PCSK5: variants seen among roughly 807,000 people sequenced by gnomAD.
PCSK5 encodes proprotein convertase subtilisin/kexin type 5.
PCSK5 carries 129 observed loss-of-function variants against 233.2 expected under a neutral mutation model. The observed-to-expected ratio is 0.55, with a 90% confidence interval of 0.48 to 0.64. The LOEUF is 0.64. Ranked by LOEUF, PCSK5 falls within the 30% of genes least tolerant of loss-of-function variation. PCSK5 has a pLI of 0.00. For missense variants in PCSK5, 2,076 were observed against 2,430.1 expected (o/e 0.85, Z 3.06); for synonymous variants, 825 against 879.2 (o/e 0.94, Z 1.09).
chr9:76,124,281 TC>T (rs1463615433), intron 9 of PCSK5, among the ~76,000 whole-genome samples: 2 of 152,156 alleles, frequency 1.3e-5, no homozygotes, highest in East Asian at 3.9e-4. Context: ...GGTTGTGTGT[TC>T]ATTAAGTGAA....
chr9:76,088,175 A>T (rs552537440), intron 7 of PCSK5, among the ~76,000 whole-genome samples: 1 of 152,326 alleles, frequency 6.6e-6, no homozygotes, highest in East Asian at 1.9e-4. Context: ...AGGTGCGTAA[A>T]GATTGAGACC....
chr9:76,031,548 G>C (rs1828652140), intron 5 of PCSK5, among the ~76,000 whole-genome samples: 1 of 152,114 alleles, frequency 6.6e-6, no homozygotes, highest in African/African-American at 2.4e-5. Context: ...AAATAGCCAG[G>C]TGTGGTGGCA....
intron 2 of PCSK5, among the ~76,000 whole-genome samples, chr9:75,942,111 C>A (rs1407398510): frequency 6.6e-6 from 1 of 152,228 alleles, no homozygotes; most frequent in Non-Finnish European, 1.5e-5. Flanking sequence ...GCTCACCGGG[C>A]ATGCGCCAAA....
intron 24 of PCSK5, among the ~76,000 whole-genome samples, chr9:76,257,478 T>C (rs1827022305): frequency 6.6e-6 from 1 of 152,260 alleles, no homozygotes; most frequent in East Asian, 1.9e-4. Context: ...AGCCTGAAAT[T>C]CCTGCTTTCC....
rs57054216 is a variant in PCSK5 at position 76,160,769 on chromosome 9, CTTTT to C, written c.1619+1607_1619+1610del. On this transcript the variant is annotated intron_variant, in intron 12 of 37. Transcript: ENST00000674117. The stretch of plus-strand genomic sequence containing the variant: ...CAACTAGGAGTACAGAATCTGATAT[CTTTT>C]TTTTTTTTCTTTTTTGAGATGGAGT... Among the ~76,000 whole-genome samples the C allele has an allele frequency of 1.1e-4, 17 of 148,538 alleles. No individual in the cohort carries two copies. The South Asian group carries it at 3.4e-3, about 30-fold the overall frequency.
chr9:76,008,908 G>A (rs139702516), intron 3 of PCSK5, among the ~76,000 whole-genome samples: 104 of 152,292 alleles, frequency 6.8e-4, no homozygotes, highest in Admixed American at 1.2e-3. Flanking sequence ...GAAAATAGAT[G>A]TTAATTTGAA....
At chr9:76,181,797 G>T (rs754846029) in intron 16 of PCSK5, among the ~76,000 whole-genome samples, 1 of 152,154 alleles carries the variant, frequency 6.6e-6, no homozygotes, top group East Asian at 1.9e-4. Context: ...ACCACCCCCA[G>T]ATTCAGTGAT....
chr9:76,098,468 T>C (rs1188639106), intron 8 of PCSK5, among the ~76,000 whole-genome samples: 1 of 152,218 alleles, frequency 6.6e-6, no homozygotes, highest in Non-Finnish European at 1.5e-5. Flanking sequence ...TAAGAAGACC[T>C]TGTGTCTTCT....
intron 30 of PCSK5, among the ~76,000 whole-genome samples, chr9:76,311,321 A>T (rs969779437): frequency 6.6e-6 from 1 of 151,914 alleles, no homozygotes; most frequent in Non-Finnish European, 1.5e-5. Context: ...ACTGTACTCC[A>T]GCCTGGATGA....
At chr9:76,324,813 T>A (rs60450650) in intron 32 of PCSK5, among the ~76,000 whole-genome samples, 46,834 of 151,738 alleles carry the variant, frequency 0.31, 7,595 homozygotes, top group African/African-American at 0.39. Flanking sequence ...ATTCACTCTG[T>A]TGAGGCAGCC....
chr9:76,346,413 G>A (rs989054907), intron 35 of PCSK5, among the ~76,000 whole-genome samples: 2 of 152,290 alleles, frequency 1.3e-5, no homozygotes, highest in Admixed American at 6.5e-5. Flanking sequence ...CCTTGAGAAT[G>A]TATTCAAGGG....
intron 8 of PCSK5, among the ~76,000 whole-genome samples, chr9:76,099,947 A>AG (rs923488667): frequency 3.9e-5 from 6 of 152,192 alleles, no homozygotes; most frequent in African/African-American, 1.4e-4. Flanking sequence ...CTGAGGAGAG[A>AG]GGGAAAAAAA....
chr9:76,249,167 C>T (rs893195568), intron 24 of PCSK5, among the ~76,000 whole-genome samples: 2 of 152,164 alleles, frequency 1.3e-5, no homozygotes, highest in African/African-American at 2.4e-5. Context: ...TTTTGATTGT[C>T]GTGACTGGAA....
rs1236203444 is a variant in PCSK5 at position 76,354,033 on chromosome 9, G to A, written c.5068G>A (p.Gly1690Arg). The A allele has an allele frequency of 6.2e-7, 1 of 1,606,048 alleles. No individual in the cohort carries two copies. The highest frequency in any genetic ancestry group is 8.5e-7 in the Non-Finnish European group (1 of 1,176,510). Residue 1690 changes from glycine to arginine, a missense_variant and splice_region_variant, in exon 37 of 38, where the codon GGA becomes AGA. Gly to Arg is a moderately radical substitution (Grantham distance 125). This residue lies in a region of PCSK5 where 1,510 missense variants were observed against 1,538.1 expected (regional missense o/e 0.98). Coordinates refer to ENST00000674117, the MANE Select transcript of PCSK5 (RefSeq NM_001372043.1). ...GGAACCTCTTGATTGCTCTTAACAG[G>A]GAGAGAAGTTTAACTGTGAAAAATG... ...CLVGEYRVGEGEKFNCEKCHE... is the reference protein window; with the variant it reads ...CLVGEYRVGEREKFNCEKCHE...
intron 24 of PCSK5, among the ~76,000 whole-genome samples, chr9:76,268,856 A>G (rs540918283): frequency 6.6e-6 from 1 of 152,348 alleles, no homozygotes; most frequent in Non-Finnish European, 1.5e-5. Flanking sequence ...GAATCAAAAC[A>G]AAACAAAAAA....
intron 20 of PCSK5, among the ~76,000 whole-genome samples, chr9:76,201,596 G>A (rs1188611922): frequency 6.6e-6 from 1 of 152,170 alleles, no homozygotes; most frequent in Non-Finnish European, 1.5e-5. Flanking sequence ...GGTGCTGTCA[G>A]GTCCCAGGTG....
chr9:76,293,480 C>T (rs1338896033), intron 25 of PCSK5, among the ~76,000 whole-genome samples: 1 of 152,182 alleles, frequency 6.6e-6, no homozygotes, highest in Non-Finnish European at 1.5e-5. Flanking sequence ...AAGACAGTCT[C>T]ACTCTGTGGC....
At chr9:76,238,581 C>G (rs1826323872) in intron 22 of PCSK5, among the ~76,000 whole-genome samples, 1 of 152,214 alleles carries the variant, frequency 6.6e-6, no homozygotes, top group Admixed American at 6.5e-5. Context: ...CATGGGCTCT[C>G]TATAGCCCCC....
intron 20 of PCSK5, among the ~76,000 whole-genome samples, chr9:76,216,008 C>T (rs1243468265): frequency 6.6e-6 from 1 of 152,072 alleles, no homozygotes; most frequent in African/African-American, 2.4e-5. Flanking sequence ...AGTTTGAAGG[C>T]ACTGCAATCG....
Sources: gnomAD v4.1 joint callset for allele counts (sites outside exome capture counted in the v4.1 genomes callset) on GRCh38, gnomAD v4.1.1 for gene constraint, gnomAD v4.1.1 regional missense constraint, MANE v1.5 for transcripts, NCBI Gene and HGNC (gene_info 2026-07-23, HGNC 2026-07-21) for gene names.